Variants in HAGHL observed in about 807,000 individuals in gnomAD.
HAGHL encodes hydroxyacylglutathione hydrolase like.
Under a neutral mutation model 29.2 loss-of-function variants are expected in HAGHL, and 27 were observed. The observed-to-expected ratio is 0.92, with a 90% CI of 0.68 to 1.27. The LOEUF is 1.27. HAGHL is among the 50% of genes most tolerant of loss of function. HAGHL has a pLI of 0.00. For synonymous variants in HAGHL, 223 were observed against 185.7 expected, an observed-to-expected ratio of 1.20 and a Z score of -1.63; for missense variants, 529 against 405.5, an observed-to-expected ratio of 1.30 and a Z score of -2.62.
At chr16:728,644 C>G in intron 5 of HAGHL, 40 bp downstream of exon 5, 1 of 1,313,372 alleles carries the variant, frequency 7.6e-7, no homozygotes, top group Non-Finnish European at 1.0e-6. Context: ...CCCGTGGGCA[C>G]AGCCCCCACG....
intron 2 of HAGHL, 32 bp downstream of exon 2, chr16:728,061 G>C (rs369182622): frequency 4.5e-6 from 7 of 1,567,272 alleles, no homozygotes; most frequent in Non-Finnish European, 6.0e-6. Flanking sequence ...GGAGGCACGA[G>C]GACGCCGCCT....
chr16:729,438 T>G lies in HAGHL; in HGVS notation c.831T>G (p.Ser277Arg), dbSNP rs1412608018. The change falls in exon 8 of 8, where the codon AGT (serine) becomes AGG (arginine). Residue 277 changes from serine (S) to arginine (R), a missense_variant. Physicochemically the swap from Ser to Arg is moderately radical, Grantham distance 110. Coordinates refer to ENST00000389703, the MANE Select transcript of HAGHL (RefSeq NM_032304.4). The stretch of plus-strand genomic sequence containing the variant: ...TTGCGCTGCAGTGGGGGCTCCTGAG[T>G]GCAGCCCCACACGACTGAGCCACCC... Reference protein sequence around the residue: ...ALLALQWGLLSAAPHD With the variant: ...ALLALQWGLLRAAPHD 6.5e-6 allele frequency: 10 copies of G among 1,536,214 alleles called. No individual in the cohort carries two copies. The highest frequency in any genetic ancestry group is 8.7e-6 in the Non-Finnish European group (10 of 1,144,850).
chr16:728,597 C>A lies in HAGHL; in HGVS notation c.491C>A (p.Pro164His), dbSNP rs201679437. 3.1e-4 allele frequency: 469 copies of A among 1,500,364 alleles called. 3 individuals carry two copies. In the Middle Eastern group the frequency reaches 6.3e-3, roughly 20 times the overall value. The allele number at this position is 1,500,364 out of a possible 1,614,324, so 92.9% of individuals were successfully genotyped here. ...QSLAELGTLP[P>H]ETKVFCGHEH... Reference sequence around the variant, plus strand: ...CTGGCCGAGCTGGGTACCCTGCCCCCCGAGACGGTGAGCGGGCCTGGGCCC... The same window carrying A: ...CTGGCCGAGCTGGGTACCCTGCCCCACGAGACGGTGAGCGGGCCTGGGCCC... Residue 164 changes from proline to histidine, a missense_variant, in exon 5 of 8, where the codon CCC becomes CAC. Pro to His is a moderately conservative substitution (Grantham distance 77). Coordinates refer to ENST00000389703, the MANE Select transcript of HAGHL (RefSeq NM_032304.4).
In HAGHL at chr16:728,579, A is replaced by G. The variant is rs1291668673; in HGVS notation, c.473A>G (p.Glu158Gly). The G allele has an allele frequency of 4.0e-6, 6 of 1,517,610 alleles. No homozygotes were observed. The highest frequency in any genetic ancestry group is 5.3e-6 in the Non-Finnish European group (6 of 1,138,674). 94.0% of individuals were successfully genotyped at this position (1,517,610 alleles called of 1,614,324 possible). A position where few individuals can be genotyped will look rare whatever the true frequency, so the allele number is the denominator to read the frequency against. The change falls in exon 5 of 8, where the codon GAG becomes GGG. Residue 158 changes from glutamate (E) to glycine (G), a missense_variant. Transcript: ENST00000389703. ...CAGCAGATGTACCAGAGCCTGGCCG[A>G]GCTGGGTACCCTGCCCCCCGAGACG... The part of the protein sequence containing the change: ...SAQQMYQSLA[E>G]LGTLPPETKV...
chr16:729,250 GC>G, intron 7 of HAGHL, 37 bp from the exon 8 acceptor site: 1 of 1,529,032 alleles, frequency 6.5e-7, no homozygotes, highest in Non-Finnish European at 8.8e-7. Flanking sequence ...TCCCGCGTGG[GC>G]AGCGGGCCCT....
chr16:728,697 C>A, intron 5 of HAGHL, 93 bp downstream of exon 5: 1 of 1,325,554 alleles, frequency 7.5e-7, no homozygotes, highest in Non-Finnish European at 1.1e-6. Context: ...TGAATGCCCA[C>A]CTGAGGGCAG....
Position 728,103 on chromosome 16 carries a change from C to A in HAGHL, c.171-13C>A. The A allele has an allele frequency of 6.8e-7, 1 of 1,472,484 alleles. No individual in the cohort carries two copies. Among genetic ancestry groups the A allele is most frequent in the Non-Finnish European group, 9.0e-7 (1 of 1,116,650 alleles). 91.2% of individuals were successfully genotyped at this position (1,472,484 alleles called of 1,614,324 possible). A position where few individuals can be genotyped will look rare whatever the true frequency, so the allele number is the denominator to read the frequency against. ...AACCCGACCTAACCCGGCCCCCGCC[C>A]GCCCGCCCGCAGGGACCACGCGCGG... On this transcript the variant is annotated splice_polypyrimidine_tract_variant and intron_variant, in intron 2 of 7. Transcript: ENST00000389703.
rs764362905 is a variant in HAGHL at position 729,029 on chromosome 16, G to A, written c.621G>A (p.Val207=). ...SWAKKRDEDD[V]PTVPSTLGEE... ...TCCAGAAGAGGGATGAGGATGACGT[G>A]CCCACTGTGCCGTCGACTCTGGGCG... Residue 207 remains valine, a synonymous_variant, in exon 7 of 8, where the codon GTG becomes GTA. Transcript: ENST00000389703. The A allele has an allele frequency of 5.0e-6, 8 of 1,609,774 alleles. No individual in the cohort carries two copies. The highest frequency in any genetic ancestry group is 1.3e-5 in the African/African-American group (1 of 74,918).
In HAGHL at chr16:729,519, C is replaced by G; in HGVS notation, c.*63C>G. 9 of 1,535,406 alleles carry G rather than the reference C, an allele frequency of 5.9e-6. No individual in the cohort carries two copies. Among genetic ancestry groups the G allele is most frequent in the Non-Finnish European group, 7.9e-6 (9 of 1,146,194 alleles). On this transcript the variant is annotated 3_prime_UTR_variant, in exon 8 of 8. Transcript: ENST00000389703. ...TCCTCGTGACCTCGGCCAGCTGGAC[C>G]CACATGAGGGCCACCTCTGGAACCT...
chr16:727,381 C>A lies in HAGHL; in HGVS notation c.-129C>A. 1 of 576,956 alleles carries A rather than the reference C, an allele frequency of 1.7e-6. No individual in the cohort carries two copies. Among genetic ancestry groups the A allele is most frequent in the Non-Finnish European group, 3.1e-6 (1 of 317,950 alleles). The allele number at this position is 576,956 out of a possible 1,614,324, so 35.7% of individuals were successfully genotyped here. ...GGGAGCCGGGCTTCTCTTTTGGCCC[C>A]CAGCGTGTTGACCGAGCCCGCTTCG... is the stretch of plus-strand genomic sequence containing the variant. On this transcript the variant is annotated 5_prime_UTR_variant, in exon 1 of 8. Coordinates refer to ENST00000389703, the MANE Select transcript of HAGHL (RefSeq NM_032304.4).
Position 727,983 on chromosome 16 carries a change from C to T in HAGHL, c.124C>T (p.Arg42Trp). Residue 42 changes from arginine to tryptophan, a missense_variant, in exon 2 of 8, where the codon CGG (arginine) becomes TGG (tryptophan). Physicochemically the swap from Arg to Trp is moderately radical, Grantham distance 101. Coordinates refer to ENST00000389703, the MANE Select transcript of HAGHL (RefSeq NM_032304.4). ...VPKRLLEIVG[R>W]EGVSLTAVLT... ...CTTTCAGCTGCTGGAGATCGTGGGCCGGGAGGGGGTGTCTCTGACCGCTGT... is the reference window on the plus strand; with the variant it reads ...CTTTCAGCTGCTGGAGATCGTGGGCTGGGAGGGGGTGTCTCTGACCGCTGT... The T allele has an allele frequency of 6.2e-7, 1 of 1,607,386 alleles. No individual in the cohort carries two copies. The highest frequency in any genetic ancestry group is 8.5e-7 in the Non-Finnish European group (1 of 1,178,088).
Position 728,142 on chromosome 16 carries a change from T to A in HAGHL, c.197T>A (p.Leu66Gln), listed in dbSNP as rs1173791844. 1 of 1,474,154 alleles carries A rather than the reference T, an allele frequency of 6.8e-7. No homozygotes were observed. The highest frequency in any genetic ancestry group is 8.9e-7 in the Non-Finnish European group (1 of 1,119,410). 91.3% of individuals were successfully genotyped at this position (1,474,154 alleles called of 1,614,324 possible). A position where few individuals can be genotyped will look rare whatever the true frequency, so the allele number is the denominator to read the frequency against. Reference protein sequence around the residue: ...HWDHARGNPELARLRPGLAVL... With the variant: ...HWDHARGNPEQARLRPGLAVL... ...GACCACGCGCGGGGAAACCCGGAGC[T>A]GGCGCGGCTTCGTCCCGGGCTGGCG... Residue 66 changes from leucine (L) to glutamine (Q), a missense_variant, in exon 3 of 8, where the codon CTG becomes CAG. Coordinates refer to ENST00000389703, the MANE Select transcript of HAGHL (RefSeq NM_032304.4).
chr16:728,736 G>A, intron 5 of HAGHL, 58 bp from the exon 6 acceptor site: 1 of 1,522,722 alleles, frequency 6.6e-7, no homozygotes, highest in Non-Finnish European at 9.1e-7. Flanking sequence ...GGCCCCCGGC[G>A]CAAGCACTTT....
chr16:728,990 G>T lies in HAGHL; in HGVS notation c.601-19G>T. The T allele has an allele frequency of 6.2e-7, 1 of 1,600,302 alleles. No homozygotes were observed. Among genetic ancestry groups the T allele is most frequent in the Non-Finnish European group, 8.5e-7 (1 of 1,174,404 alleles). On this transcript the variant is annotated intron_variant, in intron 6 of 7. Transcript: ENST00000389703. ...CTCAGACAAGGCCTAATGGTGACCGGGGCCTGTGGTCACTCCAGAAGAGGG... is the reference window on the plus strand; with the variant it reads ...CTCAGACAAGGCCTAATGGTGACCGTGGCCTGTGGTCACTCCAGAAGAGGG...
chr16:728,783 T>C lies in HAGHL; in HGVS notation c.499-11T>C. 1 of 1,610,772 alleles carries C rather than the reference T, an allele frequency of 6.2e-7. No individual in the cohort carries two copies. Among genetic ancestry groups the C allele is most frequent in the Non-Finnish European group, 8.5e-7 (1 of 1,178,862 alleles). The stretch of plus-strand genomic sequence containing the variant: ...GGCCGCGTGCGCGCTCACCGAGCGC[T>C]CTTCCTCCAGAAGGTGTTCTGCGGC... On this transcript the variant is annotated splice_polypyrimidine_tract_variant and intron_variant, in intron 5 of 7. Transcript: ENST00000389703.
chr16:728,096 C>CCCCGCCCG lies in HAGHL; in HGVS notation c.171-10_171-3dup. 6.8e-7 allele frequency: 1 copy of CCCCGCCCG among 1,473,092 alleles called. No individual in the cohort carries two copies. Among genetic ancestry groups the CCCCGCCCG allele is most frequent in the Non-Finnish European group, 9.0e-7 (1 of 1,116,622 alleles). The allele number at this position is 1,473,092 out of a possible 1,614,324, so 91.3% of individuals were successfully genotyped here. The stretch of plus-strand genomic sequence containing the variant: ...TTGTCCCAACCCGACCTAACCCGGC[C>CCCCGCCCG]CCCGCCCGCCCGCCCGCAGGGACCA... On this transcript the variant is annotated intron_variant, in intron 2 of 7. Coordinates refer to ENST00000389703, the MANE Select transcript of HAGHL (RefSeq NM_032304.4).
Position 727,583 on chromosome 16 carries a change from C to T in HAGHL, c.74C>T (p.Ala25Val), listed in dbSNP as rs747581495. ...YLVIEELTRE[A>V]VAVDVAVPKR... ...GTCATCGAGGAGCTCACGCGCGAGG[C>T]GGTGGCCGTGGACGTGGCTGTGCCC... Residue 25 changes from alanine (A) to valine (V), a missense_variant, in exon 1 of 8, where the codon GCG becomes GTG. Physicochemically the swap from Ala to Val is moderately conservative, Grantham distance 64. Coordinates refer to ENST00000389703, the MANE Select transcript of HAGHL (RefSeq NM_032304.4). The T allele has an allele frequency of 1.2e-6, 2 of 1,611,318 alleles. No individual in the cohort carries two copies. The highest frequency in any genetic ancestry group is 2.2e-5 in the South Asian group (2 of 90,936).
In HAGHL at chr16:729,684, C is replaced by T. The variant is rs1444136695; in HGVS notation, c.*228C>T. On this transcript the variant is annotated 3_prime_UTR_variant, in exon 8 of 8. Transcript: ENST00000389703. ...TGTCTGGGAAGTGGGGCACACGGGGCCTCCGAACTATGAATAAAGCTTTGA... is the reference window on the plus strand; with the variant it reads ...TGTCTGGGAAGTGGGGCACACGGGGTCTCCGAACTATGAATAAAGCTTTGA... 1 of 1,497,444 alleles carries T rather than the reference C, an allele frequency of 6.7e-7. No homozygotes were observed. Among genetic ancestry groups the T allele is most frequent in the Non-Finnish European group, 8.9e-7 (1 of 1,128,302 alleles). 92.8% of individuals were successfully genotyped at this position (1,497,444 alleles called of 1,614,324 possible).
Position 727,173 on chromosome 16 carries a change from C to A in HAGHL, c.-337C>A. 4.5e-6 allele frequency: 1 copy of A among 223,580 alleles called. No homozygotes were observed. Among genetic ancestry groups the A allele is most frequent in the Non-Finnish European group, 8.6e-6 (1 of 115,774 alleles). The allele number at this position is 223,580 out of a possible 1,614,324, so 13.8% of individuals were successfully genotyped here. ...GGGCGGCGGGGGAACGCGGCTGTCC[C>A]GGGTCAGGGGTCTTGCGGCGGCAGG... On this transcript the variant is annotated 5_prime_UTR_variant, in exon 1 of 8. Transcript: ENST00000389703.
Sources: gnomAD v4.1 joint callset for allele counts on GRCh38, gnomAD v4.1.1 for gene constraint, MANE v1.5 for transcripts, NCBI Gene and HGNC (gene_info 2026-07-23, HGNC 2026-07-21) for gene names.